The following NTM variants were observed in gnomAD, a reference collection of about 807,000 sequenced individuals.
The protein encoded by NTM is neurotrimin, also known as IgLON family member 2.
A neutral mutation model predicts 42.1 loss-of-function variants in NTM; 13 were observed. That is an observed-to-expected ratio of 0.31 (90% CI 0.20 to 0.49). NTM has a LOEUF of 0.49. NTM is among the 20% of genes least tolerant of loss of function. The pLI is 0.99. For missense variants in NTM, 373 were observed against 452.8 expected (o/e 0.82, Z 1.60); for synonymous variants, 187 against 179.2 (o/e 1.04, Z -0.35).
At chr11:131,613,198 C>A (rs2061605150) in intron 1 of NTM, among the ~76,000 whole-genome samples, 1 of 152,150 alleles carries the variant, frequency 6.6e-6, no homozygotes, top group South Asian at 2.1e-4. Context: ...TGGCCATCAA[C>A]CCTCAGGTCT....
At chr11:132,229,787 T>C (rs1489272668) in intron 4 of NTM, among the ~76,000 whole-genome samples, 1 of 152,152 alleles carries the variant, frequency 6.6e-6, no homozygotes, top group African/African-American at 2.4e-5. Context: ...CCATCTAAGA[T>C]AAATGGGTAG....
chr11:131,866,207 A>G (rs1327195223), intron 1 of NTM, among the ~76,000 whole-genome samples: 1 of 152,378 alleles, frequency 6.6e-6, no homozygotes, highest in East Asian at 1.9e-4. Context: ...CATGCTGCAC[A>G]CACACATGCA....
At chr11:132,068,729 C>T (rs946310863) in intron 2 of NTM, among the ~76,000 whole-genome samples, 1 of 152,176 alleles carries the variant, frequency 6.6e-6, no homozygotes, top group African/African-American at 2.4e-5. Flanking sequence ...GGAGTTGGCT[C>T]ACATGATGAT....
At chr11:131,467,834 C>T (rs1204803541) in intron 1 of NTM, among the ~76,000 whole-genome samples, 6 of 152,138 alleles carry the variant, frequency 3.9e-5, no homozygotes, top group African/African-American at 1.4e-4. Flanking sequence ...GGGAAGTTTC[C>T]AGAGAGTCTG....
intron 1 of NTM, among the ~76,000 whole-genome samples, chr11:131,407,823 C>T (rs1945966428): frequency 1.3e-5 from 2 of 152,160 alleles, no homozygotes; most frequent in Admixed American, 6.5e-5. Context: ...CGGGCCCACC[C>T]CTTTCTCTGA....
intron 4 of NTM, among the ~76,000 whole-genome samples, chr11:132,257,449 G>A (rs917023414): frequency 1.3e-5 from 2 of 152,190 alleles, no homozygotes; most frequent in African/African-American, 4.8e-5. Context: ...ACTTGAGCAG[G>A]TGCAGGTAAG....
chr11:131,383,950 T>G (rs1023521022), intron 1 of NTM, among the ~76,000 whole-genome samples: 1 of 152,222 alleles, frequency 6.6e-6, no homozygotes, highest in South Asian at 2.1e-4. Flanking sequence ...ATGGGGGTAT[T>G]CAAAAGTTGT....
chr11:131,633,453 T>G (rs2063869273), intron 1 of NTM, among the ~76,000 whole-genome samples: 1 of 152,322 alleles, frequency 6.6e-6, no homozygotes, highest in South Asian at 2.1e-4. Flanking sequence ...TTGAAGGTTG[T>G]TCTGTCTTCT....
intron 1 of NTM, among the ~76,000 whole-genome samples, chr11:131,840,893 G>A (rs2044152051): frequency 6.6e-6 from 1 of 152,314 alleles, no homozygotes; most frequent in African/African-American, 2.4e-5. Flanking sequence ...ATGATGGAGG[G>A]AATGTCAGAG....
chr11:132,013,655 C>T (rs2072739703), intron 2 of NTM, among the ~76,000 whole-genome samples: 1 of 152,072 alleles, frequency 6.6e-6, no homozygotes, highest in Admixed American at 6.6e-5. Flanking sequence ...GAGTTCAGCT[C>T]ACTATTTCAT....
At chr11:131,805,217 C>A (rs1258695459) in intron 1 of NTM, among the ~76,000 whole-genome samples, 1 of 152,230 alleles carries the variant, frequency 6.6e-6, no homozygotes, top group African/African-American at 2.4e-5. Flanking sequence ...GCCTCACCTT[C>A]CAACCTGACA....
rs779852784 is a variant in NTM, at chr11:132,314,645, C to T, written c.876C>T (p.Asn292=). The T allele has an allele frequency of 1.9e-6, 3 of 1,613,812 alleles. No homozygotes were observed. Among genetic ancestry groups the T allele is most frequent in the Admixed American group, 3.3e-5 (2 of 59,964 alleles). The change falls in exon 7 of 9, where the codon AAC becomes AAT. Residue 292 remains asparagine (N), a synonymous_variant. Coordinates refer to ENST00000683400, the MANE Select transcript of NTM (RefSeq NM_001352005.2). ...ATGTCTCTGAACATGACTATGGGAA[C>T]TACACTTGCGTGGCCTCCAACAAGC... is the stretch of plus-strand genomic sequence containing the variant. ...FFNVSEHDYG[N]YTCVASNKLG...
At chr11:132,054,719 T>G (rs1668565629) in intron 2 of NTM, among the ~76,000 whole-genome samples, 1 of 152,222 alleles carries the variant, frequency 6.6e-6, no homozygotes, top group Non-Finnish European at 1.5e-5. Context: ...TACTAACTTA[T>G]GAACTTGAGA....
At chr11:131,807,313 G>A (rs501949) in intron 1 of NTM, among the ~76,000 whole-genome samples, 140,667 of 152,266 alleles carry the variant, frequency 0.92, 65,156 homozygotes, top group East Asian at 1. Context: ...TTTTTTGAAA[G>A]CCATTCCGGC....
At chr11:131,425,881 T>C (rs894471917) in intron 1 of NTM, among the ~76,000 whole-genome samples, 2 of 152,170 alleles carry the variant, frequency 1.3e-5, no homozygotes, top group Non-Finnish European at 2.9e-5. Context: ...TATTTGCAAC[T>C]GTTATCTTCC....
intron 2 of NTM, among the ~76,000 whole-genome samples, chr11:131,943,568 C>T (rs1442610343): frequency 6.6e-6 from 1 of 152,236 alleles, no homozygotes; most frequent in Non-Finnish European, 1.5e-5. Flanking sequence ...ACCAGTGGGG[C>T]AGGTGTACAG....
At chr11:131,465,415 T>A (rs11222656) in intron 1 of NTM, among the ~76,000 whole-genome samples, 8,176 of 152,162 alleles carry the variant, frequency 0.054, 501 homozygotes, top group East Asian at 0.19. Context: ...TCTTTTTTTT[T>A]AAACTAGAAG....
chr11:131,795,227 C>G (rs900955825), intron 1 of NTM: 1 of 381,884 alleles, frequency 2.6e-6, no homozygotes, highest in South Asian at 1.1e-4. Context: ...CCAGCTCTCT[C>G]GTATCTCTTC....
intron 1 of NTM, among the ~76,000 whole-genome samples, chr11:131,511,704 G>C (rs455006): frequency 6.6e-6 from 1 of 152,072 alleles, no homozygotes; most frequent in Non-Finnish European, 1.5e-5. Context: ...CAATCACACT[G>C]TGGCACCTGG....
Sources: gnomAD v4.1 joint callset for allele counts (sites outside exome capture counted in the v4.1 genomes callset) on GRCh38, gnomAD v4.1.1 for gene constraint, MANE v1.5 for transcripts, NCBI Gene and HGNC (gene_info 2026-07-23, HGNC 2026-07-21) for gene names.